Variants in UBE4B observed in about 807,000 individuals in gnomAD.
UBE4B encodes ubiquitin conjugation factor E4 B.
Under a neutral mutation model 148.1 loss-of-function variants are expected in UBE4B, and 27 were observed. The observed-to-expected ratio is 0.18, with a 90% CI of 0.13 to 0.25. UBE4B has a LOEUF of 0.25. Ranked by LOEUF, UBE4B falls within the 10% of genes least tolerant of loss-of-function variation. The pLI, the probability that UBE4B is intolerant of heterozygous loss-of-function variation, is 1.00. For synonymous variants in UBE4B, 596 were observed against 619.3 expected, an observed-to-expected ratio of 0.96 and a Z score of 0.56; for missense variants, 1,170 against 1,662.4, an observed-to-expected ratio of 0.70 and a Z score of 5.15.
rs904819761 is a variant in UBE4B, at chr1:10,180,685, G to T, written c.*729G>T. On this transcript the variant is annotated 3_prime_UTR_variant, in exon 28 of 28. Transcript: ENST00000343090. ...TAAACAAAATAAAGAAAATCCTGCT[G>T]CTCTGGTCCTTGTGATAAGCCTCTC... 2.6e-5 allele frequency: 4 copies of T among 151,848 alleles called. No individual in the cohort carries two copies. The highest frequency in any genetic ancestry group is 1.3e-4 in the Admixed American group (2 of 15,184). 9.4% of individuals were successfully genotyped at this position (151,848 alleles called of 1,614,324 possible).
intron 27 of UBE4B, 75 bp downstream of exon 27, chr1:10,179,637 A>T (rs1646477280): frequency 4.4e-6 from 7 of 1,584,900 alleles, no homozygotes; most frequent in Non-Finnish European, 5.1e-6. Context: ...CATATTGGAG[A>T]TGAAGCAGAA....
rs550375490 is a variant in UBE4B, at chr1:10,066,052, C to G, written c.25-5976C>G. On this transcript the variant is annotated intron_variant, in intron 1 of 27. Coordinates refer to ENST00000343090, the MANE Select transcript of UBE4B (RefSeq NM_001105562.3). ...CCCTCCCTCCCCCCCTCCTTCCCTC[C>G]CCCACTCCTTCCCTCTCTCCCTCTC... is the stretch of plus-strand genomic sequence containing the variant. Among the ~76,000 whole-genome samples, 1,016 of 139,490 alleles carry G rather than the reference C, an allele frequency of 7.3e-3. 17 individuals carry two copies. The highest frequency in any genetic ancestry group is 0.026 in the African/African-American group (981 of 37,686). 91.5% of individuals were successfully genotyped at this position (139,490 alleles called of 152,430 possible).
At chr1:10,041,715 T>C (rs893617630) in intron 1 of UBE4B, among the ~76,000 whole-genome samples, 3 of 151,964 alleles carry the variant, frequency 2.0e-5, no homozygotes, top group Non-Finnish European at 4.4e-5. Context: ...GTTTGTTTTT[T>C]AAGACAGAGC....
At chr1:10,142,527 C>T (rs929061949) in intron 17 of UBE4B, among the ~76,000 whole-genome samples, 6 of 151,534 alleles carry the variant, frequency 4.0e-5, no homozygotes, top group East Asian at 2.0e-4. Flanking sequence ...AAAAATTAGC[C>T]GGTCATGGTA....
intron 2 of UBE4B, among the ~76,000 whole-genome samples, chr1:10,095,172 C>T (rs1644911206): frequency 6.6e-6 from 1 of 152,024 alleles, no homozygotes; most frequent in Non-Finnish European, 1.5e-5. Flanking sequence ...ATTTGTGGGC[C>T]ATAGTTTGAA....
intron 7 of UBE4B, chr1:10,107,164 C>A: frequency 7.8e-7 from 1 of 1,286,138 alleles, no homozygotes; most frequent in Non-Finnish European, 1.0e-6. Context: ...GCAAAAGCTT[C>A]TCCCCGTCTT....
chr1:10,062,512 C>T (rs1644305354), intron 1 of UBE4B, among the ~76,000 whole-genome samples: 1 of 152,084 alleles, frequency 6.6e-6, no homozygotes, highest in African/African-American at 2.4e-5. Context: ...GAGGTTTTGC[C>T]ATTTTGGCGA....
rs1645507876 is a variant in UBE4B, at chr1:10,126,853, T to C, written c.1614T>C (p.Ser538=). ...CTGCCAAAGAGTGCTCCCTCGACAGTGACTACTTTAAATACCCCCTCATGG... is the reference window on the plus strand; with the variant it reads ...CTGCCAAAGAGTGCTCCCTCGACAGCGACTACTTTAAATACCCCCTCATGG... The part of the protein sequence containing the change: ...ALAAKECSLD[S]DYFKYPLMAL... Residue 538 remains serine, a synonymous_variant, in exon 11 of 28, where the codon AGT becomes AGC. Transcript: ENST00000343090. 22 of 1,614,002 alleles carry C rather than the reference T, an allele frequency of 1.4e-5. No individual in the cohort carries two copies. Among genetic ancestry groups the C allele is most frequent in the Non-Finnish European group, 1.9e-5 (22 of 1,179,972 alleles).
intron 19 of UBE4B, among the ~76,000 whole-genome samples, chr1:10,147,874 G>C (rs1421476174): frequency 6.6e-6 from 1 of 152,066 alleles, no homozygotes; most frequent in Non-Finnish European, 1.5e-5. Context: ...GAAGTCTCTG[G>C]TTCACTGATG....
intron 2 of UBE4B, among the ~76,000 whole-genome samples, chr1:10,088,702 C>G (rs1644800377): frequency 6.7e-6 from 1 of 150,184 alleles, no homozygotes; most frequent in African/African-American, 2.5e-5. Context: ...ATTTTTGAGA[C>G]AGGTTCTCCC....
intron 1 of UBE4B, among the ~76,000 whole-genome samples, chr1:10,060,142 A>G (rs1020960989): frequency 3.3e-5 from 5 of 152,280 alleles, no homozygotes; most frequent in African/African-American, 9.6e-5. Flanking sequence ...ATGGTGATTT[A>G]AAACAAGCAA....
chr1:10,106,500 G>GC lies in UBE4B; in HGVS notation c.1116dup (p.Ser373GlnfsTer27), dbSNP rs1557558350. On this transcript the variant is annotated frameshift_variant, in exon 7 of 28. Coordinates refer to ENST00000343090, the MANE Select transcript of UBE4B (RefSeq NM_001105562.3). LOFTEE classifies it high-confidence loss of function. The surrounding 1 kb of genome is among the most constrained non-coding windows in gnomAD (Gnocchi z 4.2). ...TGCCCGCCAGCAGTTCCAGACAGAG[G>GC]CCCAGCAGCACGGGTCCACCCCTAC... The GC allele has an allele frequency of 6.2e-7, 1 of 1,612,942 alleles. No individual in the cohort carries two copies. Among genetic ancestry groups the GC allele is most frequent in the Admixed American group, 1.7e-5 (1 of 59,960 alleles).
At chr1:10,057,630 T>G (rs1644199765) in intron 1 of UBE4B, among the ~76,000 whole-genome samples, 1 of 150,652 alleles carries the variant, frequency 6.6e-6, no homozygotes, top group African/African-American at 2.4e-5. Context: ...GGTTTCTAAC[T>G]GCTGAGCTCA....
intron 1 of UBE4B, among the ~76,000 whole-genome samples, chr1:10,049,382 G>T (rs1272999233): frequency 6.6e-6 from 1 of 152,056 alleles, no homozygotes. Context: ...AGTTAATTCT[G>T]ATGGGGAATG....
chr1:10,105,847 G>T lies in UBE4B; in HGVS notation c.809+103G>T. ...ACAGTGTTAATCAGTGTCATACAGG[G>T]TATGGCATATATCATATTTGGGGAG... On this transcript the variant is annotated intron_variant, in intron 6 of 27. Coordinates refer to ENST00000343090, the MANE Select transcript of UBE4B (RefSeq NM_001105562.3). The T allele has an allele frequency of 4.3e-6, 5 of 1,162,808 alleles. No homozygotes were observed. In the East Asian group the frequency reaches 1.3e-4, roughly 29 times the overall value. The allele number at this position is 1,162,808 out of a possible 1,614,324, so 72.0% of individuals were successfully genotyped here.
At chr1:10,097,548 C>T (rs923850079) in intron 3 of UBE4B, among the ~76,000 whole-genome samples, 1 of 152,160 alleles carries the variant, frequency 6.6e-6, no homozygotes, top group African/African-American at 2.4e-5. Flanking sequence ...CAGTGGCTTA[C>T]GCCTGTAATC....
rs377756764 is a variant in UBE4B, at chr1:10,103,130, C to T, written c.580+38C>T. 484 of 1,538,020 alleles carry T rather than the reference C, an allele frequency of 3.1e-4. 1 individual carries two copies. The highest frequency in any genetic ancestry group is 3.8e-4 in the Non-Finnish European group (434 of 1,137,102). Reference sequence around the variant, plus strand: ...CTCAGCAGTCTTACTGCAGAGTACTCGACAAGAAAATAAGATGTGAGATCT... The same window carrying T: ...CTCAGCAGTCTTACTGCAGAGTACTTGACAAGAAAATAAGATGTGAGATCT... On this transcript the variant is annotated intron_variant, in intron 5 of 27. Transcript: ENST00000343090.
intron 20 of UBE4B, 86 bp from the exon 21 acceptor site, chr1:10,151,240 C>T (rs1284306757): frequency 1.6e-6 from 2 of 1,247,588 alleles, no homozygotes; most frequent in African/African-American, 3.0e-5. Context: ...TTCCCCTCCT[C>T]ACTTACTGAC....
chr1:10,101,084 C>T (rs1299691805), intron 3 of UBE4B, 24 bp from the exon 4 acceptor site: 1 of 1,607,804 alleles, frequency 6.2e-7, no homozygotes, highest in Admixed American at 1.7e-5. Flanking sequence ...AGGTAAAAGG[C>T]TTGTTTGTCT....
Sources: allele counts gnomAD v4.1 joint callset (sites outside exome capture counted in the v4.1 genomes callset), GRCh38; gene constraint gnomAD v4.1.1; non-coding constraint Gnocchi (gnomAD v3.1); transcripts MANE v1.5; gene names NCBI Gene and HGNC (gene_info 2026-07-23, HGNC 2026-07-21).